The following IFT122 variants were observed in gnomAD, a reference collection of about 807,000 sequenced individuals.
The protein encoded by IFT122 is intraflagellar transport protein 122 homolog.
A neutral mutation model predicts 161.6 loss-of-function variants in IFT122; 118 were observed. The observed-to-expected ratio is 0.73, with a 90% CI of 0.63 to 0.85. IFT122 has a LOEUF of 0.85. IFT122 is among the 40% of genes least tolerant of loss of function. The pLI, the probability that IFT122 is intolerant of heterozygous loss-of-function variation, is 0.00. For missense variants in IFT122, 1,381 were observed against 1,579.6 expected, an observed-to-expected ratio of 0.87 and a Z score of 2.13; for synonymous variants, 550 against 602.4, an observed-to-expected ratio of 0.91 and a Z score of 1.27.
intron 29 of IFT122, 85 bp downstream of exon 29, chr3:129,519,817 T>A (rs1234284065): frequency 1.3e-6 from 2 of 1,513,228 alleles, no homozygotes; most frequent in East Asian, 4.5e-5. Context: ...GCGTGGCCCC[T>A]GGGAGGAGGG....
chr3:129,502,858 CG>C lies in IFT122; in HGVS notation c.2524del (p.Val842TrpfsTer31). The stretch of plus-strand genomic sequence containing the variant: ...ACCTCAAGTCCCTGGTGCAGCTGCA[CG>C]TGGAGACCCAGCGCTGGGATGAGGT... The part of the protein sequence containing the change: ...GDLKSLVQLH[V>X]ETQRWDEAFA... On this transcript the variant is annotated frameshift_variant, in exon 20 of 30. Transcript: ENST00000348417. LOFTEE classifies it high-confidence loss of function. 6.2e-7 allele frequency: 1 copy of C among 1,611,840 alleles called. No homozygotes were observed. Among genetic ancestry groups the C allele is most frequent in the Non-Finnish European group, 8.5e-7 (1 of 1,180,006 alleles).
chr3:129,464,912 T>G, intron 7 of IFT122, 131 bp downstream of exon 7: 4 of 1,022,530 alleles, frequency 3.9e-6, no homozygotes, highest in Non-Finnish European at 6.0e-6. Flanking sequence ...CCTGTCCCAT[T>G]TGTATGGATT....
intron 9 of IFT122, among the ~76,000 whole-genome samples, chr3:129,470,557 G>A (rs928192246): frequency 1.3e-4 from 20 of 148,820 alleles, no homozygotes; most frequent in African/African-American, 5.0e-4. Flanking sequence ...GAGCCACCAC[G>A]CCCGGCCTAT....
intron 16 of IFT122, among the ~76,000 whole-genome samples, chr3:129,490,267 T>C (rs1216678614): frequency 6.6e-6 from 1 of 152,250 alleles, no homozygotes; most frequent in Non-Finnish European, 1.5e-5. Context: ...TGGATGTTAC[T>C]ATTTCATCTA....
At chr3:129,484,041 G>A (rs1472210777) in intron 15 of IFT122, 14 of 376,798 alleles carry the variant, frequency 3.7e-5, no homozygotes, top group Non-Finnish European at 6.7e-5. Flanking sequence ...GTGTGAGTAC[G>A]TGTGTGATGG....
At chr3:129,463,169 A>G in intron 5 of IFT122, 2 of 219,678 alleles carry the variant, frequency 9.1e-6, no homozygotes, top group South Asian at 1.4e-4. Context: ...CTATTATACA[A>G]TATCAAGACC....
At chr3:129,508,439 C>T (rs2082416728) in intron 23 of IFT122, among the ~76,000 whole-genome samples, 1 of 152,174 alleles carries the variant, frequency 6.6e-6, no homozygotes, top group Non-Finnish European at 1.5e-5. Context: ...CTCCTTTCAA[C>T]CACACTTTGA....
chr3:129,481,172 C>A (rs1344698095), intron 13 of IFT122, among the ~76,000 whole-genome samples: 1 of 152,174 alleles, frequency 6.6e-6, no homozygotes, highest in African/African-American at 2.4e-5. Flanking sequence ...TTCATAGTAG[C>A]TTTTTCCTGT....
intron 3 of IFT122, among the ~76,000 whole-genome samples, chr3:129,456,986 C>T (rs1246467637): frequency 6.6e-6 from 1 of 152,192 alleles, no homozygotes; most frequent in African/African-American, 2.4e-5. Flanking sequence ...GATACTGTTC[C>T]TCTGTGTTTC....
rs371454937 is a variant in IFT122 at position 129,504,301 on chromosome 3, A to G, written c.2548-18A>G. 22 of 1,601,756 alleles carry G rather than the reference A, an allele frequency of 1.4e-5. No homozygotes were observed. The African/African-American group carries it at 2.0e-4, about 15-fold the overall frequency. ...GCAGGGGCAGCTTTATTAAGACTTC[A>G]TTTGCTCCTTCCCCCAGGCCTTTGC... On this transcript the variant is annotated intron_variant, in intron 20 of 29. Transcript: ENST00000348417.
Position 129,512,293 on chromosome 3 carries a change from T to C in IFT122, c.2887-19T>C. ...GCTCTTGAAGAACTCAATCCCTGTT[T>C]GCTTTTCTCTCACTGCAGGAAGATC... On this transcript the variant is annotated intron_variant, in intron 23 of 29. Coordinates refer to ENST00000348417, the MANE Select transcript of IFT122 (RefSeq NM_052989.3). 1.3e-6 allele frequency: 2 copies of C among 1,578,116 alleles called. No homozygotes were observed.
At chr3:129,506,374 CA>C in intron 21 of IFT122, 34 bp from the exon 22 acceptor site, 1 of 1,610,282 alleles carries the variant, frequency 6.2e-7, no homozygotes, top group Non-Finnish European at 8.5e-7. Context: ...TCCTAAATAG[CA>C]TGTGCTTTTT....
At chr3:129,511,717 G>T (rs954390347) in intron 23 of IFT122, among the ~76,000 whole-genome samples, 16 of 152,218 alleles carry the variant, frequency 1.1e-4, no homozygotes, top group African/African-American at 3.9e-4. Flanking sequence ...TATGCCAGGA[G>T]CCAGGGAAAT....
intron 20 of IFT122, among the ~76,000 whole-genome samples, chr3:129,503,262 CCTG>C (rs940048250): frequency 2.6e-5 from 4 of 152,200 alleles, no homozygotes; most frequent in Non-Finnish European, 5.9e-5. Flanking sequence ...ACATTTAAAA[CCTG>C]CTGGGTAGCA....
chr3:129,471,544 A>G (rs2077372724), intron 9 of IFT122, among the ~76,000 whole-genome samples: 1 of 152,180 alleles, frequency 6.6e-6, no homozygotes, highest in Admixed American at 6.5e-5. Flanking sequence ...TGCTATGGCC[A>G]CAGAAGAAAA....
At chr3:129,474,972 G>A (rs2077740505) in intron 9 of IFT122, among the ~76,000 whole-genome samples, 1 of 152,152 alleles carries the variant, frequency 6.6e-6, no homozygotes, top group Admixed American at 6.5e-5. Flanking sequence ...CTGGGTAACA[G>A]TGGGACCCCA....
At chr3:129,458,945 C>A (rs1479188852) in intron 4 of IFT122, among the ~76,000 whole-genome samples, 1 of 152,132 alleles carries the variant, frequency 6.6e-6, no homozygotes, top group Non-Finnish European at 1.5e-5. Flanking sequence ...TTTATCCCAC[C>A]CCCAACCTGT....
chr3:129,449,979 C>T (rs892960777), intron 2 of IFT122, 42 bp downstream of exon 2: 1 of 1,314,536 alleles, frequency 7.6e-7, no homozygotes, highest in Non-Finnish European at 1.1e-6. Context: ...GCTTCCCTAA[C>T]CTCCCTCTTG....
intron 20 of IFT122, among the ~76,000 whole-genome samples, chr3:129,503,578 C>T (rs1279429611): frequency 1.3e-5 from 2 of 152,010 alleles, no homozygotes; most frequent in African/African-American, 4.8e-5. Context: ...CCCCGACTCA[C>T]CCACCCACCC....
Sources: allele counts gnomAD v4.1 joint callset (sites outside exome capture counted in the v4.1 genomes callset), GRCh38; gene constraint gnomAD v4.1.1; transcripts MANE v1.5; gene names NCBI Gene and HGNC (gene_info 2026-07-23, HGNC 2026-07-21).